EML6: variants seen among roughly 807,000 people sequenced by gnomAD.
EML6 encodes the protein echinoderm microtubule-associated protein-like 6.
EML6 carries 154 observed loss-of-function variants against 240.1 expected under a neutral mutation model. That is an observed-to-expected ratio of 0.64 (90% CI 0.56 to 0.73). EML6 has a LOEUF of 0.73. EML6 is among the 30% of genes least tolerant of loss of function. The pLI is 0.00. For synonymous variants in EML6, 1,148 were observed against 899.0 expected, an observed-to-expected ratio of 1.28 and a Z score of -4.95; for missense variants, 2,964 against 2,474.6, an observed-to-expected ratio of 1.20 and a Z score of -4.20.
intron 28 of EML6, 23 bp downstream of exon 28, chr2:54,928,774 T>C (rs1375459415): frequency 6.4e-7 from 1 of 1,551,620 alleles, no homozygotes. Flanking sequence ...CAGGTTTGCT[T>C]GCTTTTATTA....
In EML6 at chr2:54,886,157, CTTCT is replaced by C. The variant is rs1307062491; in HGVS notation, c.2439-4894_2439-4891del. On this transcript the variant is annotated intron_variant, in intron 17 of 41. Transcript: ENST00000356458. The stretch of plus-strand genomic sequence containing the variant: ...ATGTTTCCTTTTTTTTTTTTTTAAC[CTTCT>C]TTTTTTTTTTTTTTTTTTTCTTGAG... Among the ~76,000 whole-genome samples, 61 of 115,260 alleles carry C rather than the reference CTTCT, an allele frequency of 5.3e-4. 3 individuals are homozygous for C. The highest frequency in any genetic ancestry group is 1.1e-3 in the Admixed American group (12 of 10,490). The allele number at this position is 115,260 out of a possible 152,430, so 75.6% of individuals were successfully genotyped here.
rs755667964 is a variant in EML6, at chr2:54,892,551, C to T, written c.2637C>T (p.Phe879=). The T allele has an allele frequency of 6.4e-7, 1 of 1,551,338 alleles. No individual in the cohort carries two copies. The highest frequency in any genetic ancestry group is 8.7e-7 in the Non-Finnish European group (1 of 1,146,628). The change falls in exon 19 of 42, where the codon TTC becomes TTT. Residue 879 remains phenylalanine, a synonymous_variant. Transcript: ENST00000356458. The part of the protein sequence containing the change: ...VSYGRMEDLV[F]SGAATGDIFI... ...ACGGACGAATGGAAGATCTAGTGTT[C>T]TCAGGAGCAGCTACTGGAGATATTT...
intron 39 of EML6, 111 bp downstream of exon 39, chr2:54,967,214 C>T (rs1676786496): frequency 7.1e-6 from 5 of 708,832 alleles, no homozygotes; most frequent in South Asian, 1.8e-5. Flanking sequence ...AGAAATGGAG[C>T]TGTCTTTTCT....
chr2:54,884,821 T>C (rs1672033760), intron 17 of EML6, among the ~76,000 whole-genome samples: 1 of 152,206 alleles, frequency 6.6e-6, no homozygotes, highest in African/African-American at 2.4e-5. Flanking sequence ...TTTGGTTTTC[T>C]CTAGTCTCTC....
chr2:54,959,382 G>A, intron 34 of EML6, 121 bp downstream of exon 34: 1 of 973,840 alleles, frequency 1.0e-6, no homozygotes. Context: ...TTTGCATTAG[G>A]AAGATCAGTC....
Position 54,774,682 on chromosome 2 carries a change from G to T in EML6, c.198-38550G>T, listed in dbSNP as rs566620145. 2.0e-3 allele frequency among the ~76,000 whole-genome samples: 310 copies of T among 152,300 alleles called. 1 individual carries two copies. Among genetic ancestry groups the T allele is most frequent in the Non-Finnish European group, 3.1e-3 (213 of 68,024 alleles). Reference sequence around the variant, plus strand: ...AGATGTGGTATTAGCATTTCCCAAAGTTATTTTTACAAGATGTTTTTCTCC... The same window carrying T: ...AGATGTGGTATTAGCATTTCCCAAATTTATTTTTACAAGATGTTTTTCTCC... On this transcript the variant is annotated intron_variant, in intron 2 of 41. Transcript: ENST00000356458. This position sits in a 1 kb window ranked among gnomAD's most constrained non-coding sequence, Gnocchi z 4.1.
chr2:54,920,137 T>G (rs1674144994), intron 26 of EML6, among the ~76,000 whole-genome samples: 2 of 151,854 alleles, frequency 1.3e-5, no homozygotes, highest in Admixed American at 6.6e-5. Flanking sequence ...AAGACCAAAC[T>G]AAGCTTCCTG....
chr2:54,879,497 T>C (rs1466162924), intron 16 of EML6, 50 bp from the exon 17 acceptor site: 2 of 1,218,750 alleles, frequency 1.6e-6, no homozygotes. Context: ...GTATGAAATG[T>C]TTTGTTTTTT....
chr2:54,959,572 G>T (rs1676400456), intron 34 of EML6, among the ~76,000 whole-genome samples: 1 of 152,070 alleles, frequency 6.6e-6, no homozygotes, highest in Non-Finnish European at 1.5e-5. Context: ...AACCAGCCTG[G>T]TCAACATGGT....
intron 33 of EML6, 49 bp downstream of exon 33, chr2:54,958,047 C>T (rs753671584): frequency 7.0e-7 from 1 of 1,426,356 alleles, no homozygotes; most frequent in South Asian, 1.4e-5. Context: ...ACCCCCTGGG[C>T]ATGGGCATGG....
At chr2:54,854,197 A>G (rs1177920466) in intron 11 of EML6, among the ~76,000 whole-genome samples, 2 of 152,214 alleles carry the variant, frequency 1.3e-5, no homozygotes, top group Non-Finnish European at 2.9e-5. Context: ...TTCTTTTATG[A>G]TTCAGAGCTA....
intron 2 of EML6, among the ~76,000 whole-genome samples, chr2:54,765,860 T>G (rs1001263016): frequency 1.3e-5 from 2 of 152,232 alleles, no homozygotes; most frequent in African/African-American, 4.8e-5. Context: ...CTACTTTCTT[T>G]TTTATTTTAC....
At chr2:54,916,536 T>G (rs1673918514) in intron 25 of EML6, among the ~76,000 whole-genome samples, 1 of 152,226 alleles carries the variant, frequency 6.6e-6, no homozygotes, top group South Asian at 2.1e-4. Flanking sequence ...AATGTTCATT[T>G]TATCTAGAGA....
intron 15 of EML6, among the ~76,000 whole-genome samples, chr2:54,870,903 C>A (rs1357198667): frequency 6.6e-6 from 1 of 152,138 alleles, no homozygotes; most frequent in African/African-American, 2.4e-5. Flanking sequence ...CAGGTTTCCC[C>A]ACCCCCCACT....
intron 2 of EML6, among the ~76,000 whole-genome samples, chr2:54,738,562 C>A (rs1180812800): frequency 1.3e-5 from 2 of 152,194 alleles, no homozygotes; most frequent in Non-Finnish European, 2.9e-5. Context: ...ACCTCATGCC[C>A]TTTTCCAGTG....
chr2:54,903,503 G>T lies in EML6; in HGVS notation c.3409+1G>T. The T allele has an allele frequency of 6.5e-7, 1 of 1,541,562 alleles. No homozygotes were observed. Among genetic ancestry groups the T allele is most frequent in the Non-Finnish European group, 8.8e-7 (1 of 1,142,036 alleles). On this transcript the variant is annotated splice_donor_variant, in intron 24 of 41. Transcript: ENST00000356458. LOFTEE classifies it high-confidence loss of function. ...ACACACATTGACTGGGACTCTAGAG[G>T]TAAAGTATGTTGTGGCTTTTAAAAT...
intron 6 of EML6, among the ~76,000 whole-genome samples, chr2:54,828,176 T>C (rs186044958): frequency 2.1e-4 from 32 of 152,098 alleles, no homozygotes; most frequent in Admixed American, 1.0e-3. Flanking sequence ...TAACGATTGC[T>C]CTTGTATTGG....
intron 22 of EML6, among the ~76,000 whole-genome samples, chr2:54,900,546 A>C (rs1232044031): frequency 6.6e-6 from 1 of 152,194 alleles, no homozygotes; most frequent in East Asian, 1.9e-4. Flanking sequence ...TGCAACCTTG[A>C]ATATGAGAGC....
chr2:54,877,450 TAA>T (rs1021192143), intron 16 of EML6, among the ~76,000 whole-genome samples: 8 of 77,072 alleles, frequency 1.0e-4, no homozygotes, highest in African/African-American at 5.5e-4. Context: ...ATAAGATTAT[TAA>T]AAGTCTTAAA....
Sources: allele counts gnomAD v4.1 joint callset (sites outside exome capture counted in the v4.1 genomes callset), GRCh38; gene constraint gnomAD v4.1.1; non-coding constraint Gnocchi (gnomAD v3.1); transcripts MANE v1.5; gene names NCBI Gene and HGNC (gene_info 2026-07-23, HGNC 2026-07-21).